ATP9B: variants seen among roughly 807,000 people sequenced by gnomAD.
The protein encoded by ATP9B is probable phospholipid-transporting ATPase IIB.
ATP9B carries 110 observed loss-of-function variants against 146.1 expected under a neutral mutation model. The ratio of observed to expected loss-of-function variants is 0.75; its 90% CI spans 0.65 to 0.88. The LOEUF (loss-of-function observed/expected upper bound fraction) is 0.88. Among genes scored for constraint, ATP9B ranks in the 40% least tolerant of loss-of-function variants. The pLI is 0.00. For missense variants in ATP9B, 1,499 were observed against 1,496.4 expected, an observed-to-expected ratio of 1.00 and a Z score of -0.03; for synonymous variants, 604 against 569.7, an observed-to-expected ratio of 1.06 and a Z score of -0.86.
chr18:79,242,855 G>A (rs2095902961), intron 11 of ATP9B, among the ~76,000 whole-genome samples: 1 of 152,154 alleles, frequency 6.6e-6, no homozygotes, highest in African/African-American at 2.4e-5. Flanking sequence ...ATTTTGCCAA[G>A]ATACCAGTAA....
chr18:79,078,956 C>T (rs1006318761), intron 1 of ATP9B, among the ~76,000 whole-genome samples: 1 of 152,152 alleles, frequency 6.6e-6, no homozygotes, highest in African/African-American at 2.4e-5. Flanking sequence ...ATGACGGTTT[C>T]CAGCTTCGTC....
rs142685265 is a variant in ATP9B at position 79,303,668 on chromosome 18, C to T, written c.1476C>T (p.Ala492=). The change falls in exon 14 of 30, where the codon GCC becomes GCT. Residue 492 remains alanine (A), a synonymous_variant. Transcript: ENST00000426216. ...ACCTGGGCACCGTGTCCTATGGCGC[C>T]GACACGATGGATGAGATCCAGAGCC... ...RLHLGTVSYG[A]DTMDEIQSHV... 4,772 of 1,613,886 alleles carry T rather than the reference C, an allele frequency of 3.0e-3. 19 individuals are homozygous for T. Among genetic ancestry groups the T allele is most frequent in the South Asian group, 5.8e-3 (532 of 91,048 alleles).
chr18:79,329,889 T>G, intron 16 of ATP9B, 123 bp from the exon 17 acceptor site: 3 of 855,418 alleles, frequency 3.5e-6, no homozygotes. Flanking sequence ...TGTGAGGAGC[T>G]TAACACACAG....
At chr18:79,245,550 A>AGGAGGGCACCACCCTACTGACTGC (rs1568482422) in intron 11 of ATP9B, among the ~76,000 whole-genome samples, 1 of 85,834 alleles carries the variant, frequency 1.2e-5, no homozygotes, top group African/African-American at 5.9e-5. Context: ...CTACTGACTG[A>AGGAGGGCACCACCCTACTGACTGC]GGAGGGCACC....
chr18:79,218,995 A>G (rs1477430069), intron 11 of ATP9B, among the ~76,000 whole-genome samples: 1 of 152,186 alleles, frequency 6.6e-6, no homozygotes, highest in African/African-American at 2.4e-5. Context: ...GAAGAATACC[A>G]ATATTTAAGG....
rs398033647 is a variant in ATP9B at position 79,256,286 on chromosome 18, T to TATATATATATATACACACACACAC, written c.1268+2746_1268+2747insTATATATATATACACACACACACA. On this transcript the variant is annotated intron_variant, in intron 12 of 29. Coordinates refer to ENST00000426216, the MANE Select transcript of ATP9B (RefSeq NM_198531.5). ...ATATATATATATATATATATATATA[T>TATATATATATATACACACACACAC]ACATACATAGTGAGGCTATGTTATT... Among the ~76,000 whole-genome samples the TATATATATATATACACACACACAC allele has an allele frequency of 1.5e-4, 19 of 123,072 alleles. 1 individual carries two copies. The highest frequency in any genetic ancestry group is 2.4e-4 in the Admixed American group (3 of 12,420). 80.7% of individuals were successfully genotyped at this position (123,072 alleles called of 152,430 possible). A position where few individuals can be genotyped will look rare whatever the true frequency, so the allele number is the denominator to read the frequency against.
intron 7 of ATP9B, among the ~76,000 whole-genome samples, chr18:79,176,333 G>C (rs1191142781): frequency 6.6e-6 from 1 of 152,186 alleles, no homozygotes; most frequent in African/African-American, 2.4e-5. Context: ...ATAGGCCTGA[G>C]AGCATATGGT....
chr18:79,112,696 G>A (rs1396512369), intron 3 of ATP9B, among the ~76,000 whole-genome samples: 1 of 151,770 alleles, frequency 6.6e-6, no homozygotes. Context: ...ACCTGTTCAC[G>A]TTTGGCTTGT....
intron 2 of ATP9B, among the ~76,000 whole-genome samples, chr18:79,099,114 G>A (rs2075058337): frequency 2.0e-5 from 3 of 152,002 alleles, no homozygotes. Context: ...TGAATGCTCA[G>A]GTCTCCAATA....
intron 1 of ATP9B, among the ~76,000 whole-genome samples, chr18:79,071,866 C>G (rs984356564): frequency 1.7e-5 from 2 of 115,224 alleles, no homozygotes; most frequent in Non-Finnish European, 3.6e-5. Flanking sequence ...TCATGGATTT[C>G]TTTGGATTTC....
chr18:79,207,690 G>C (rs564319680), intron 10 of ATP9B, among the ~76,000 whole-genome samples: 1 of 152,184 alleles, frequency 6.6e-6, no homozygotes, highest in South Asian at 2.1e-4. Context: ...TGAGAGGCTA[G>C]ATTGTTGGAG....
At chr18:79,219,290 G>A (rs1248295832) in intron 11 of ATP9B, among the ~76,000 whole-genome samples, 1 of 152,004 alleles carries the variant, frequency 6.6e-6, no homozygotes, top group Admixed American at 6.6e-5. Context: ...GTGAGGGAGA[G>A]GGAATTCTGA....
At chr18:79,268,265 G>T (rs1478432885) in intron 12 of ATP9B, among the ~76,000 whole-genome samples, 1 of 151,952 alleles carries the variant, frequency 6.6e-6, no homozygotes, top group African/African-American at 2.4e-5. Context: ...CGTACATCTT[G>T]TATTAGCATG....
chr18:79,293,633 G>A (rs772749999), intron 13 of ATP9B, among the ~76,000 whole-genome samples: 101 of 152,254 alleles, frequency 6.6e-4, no homozygotes, highest in Non-Finnish European at 1.1e-3. Context: ...AGAACTGTAA[G>A]CAATAAATTC....
At chr18:79,196,503 TG>T (rs2095419264) in intron 9 of ATP9B, among the ~76,000 whole-genome samples, 2 of 152,126 alleles carry the variant, frequency 1.3e-5, no homozygotes, top group African/African-American at 2.4e-5. Context: ...GGTTGCTACG[TG>T]GGTGTTAAGG....
intron 12 of ATP9B, among the ~76,000 whole-genome samples, chr18:79,268,777 T>C (rs903759386): frequency 6.6e-6 from 1 of 152,252 alleles, no homozygotes; most frequent in African/African-American, 2.4e-5. Flanking sequence ...AGTAGAGTAA[T>C]TTGCCTTCTG....
intron 6 of ATP9B, among the ~76,000 whole-genome samples, chr18:79,150,780 A>G (rs540771283): frequency 6.6e-6 from 1 of 152,260 alleles, no homozygotes; most frequent in African/African-American, 2.4e-5. Context: ...ACATAAAACT[A>G]GGAATTTGAG....
chr18:79,221,109 G>A (rs573825560), intron 11 of ATP9B, among the ~76,000 whole-genome samples: 1 of 152,184 alleles, frequency 6.6e-6, no homozygotes, highest in Non-Finnish European at 1.5e-5. Flanking sequence ...CTAGCAGAGG[G>A]TGTAAAGCCC....
chr18:79,086,717 T>C (rs1313200458), intron 1 of ATP9B, among the ~76,000 whole-genome samples: 1 of 152,152 alleles, frequency 6.6e-6, no homozygotes, highest in African/African-American at 2.4e-5. Flanking sequence ...AGCAGTGTTA[T>C]TTCTTATTTC....
Sources: allele counts gnomAD v4.1 joint callset (sites outside exome capture counted in the v4.1 genomes callset), GRCh38; gene constraint gnomAD v4.1.1; transcripts MANE v1.5; gene names NCBI Gene and HGNC (gene_info 2026-07-23, HGNC 2026-07-21).